Variants in SLC7A10 observed in about 807,000 individuals in gnomAD.
SLC7A10 encodes asc-type amino acid transporter 1.
Under a neutral mutation model 52.7 loss-of-function variants are expected in SLC7A10, and 30 were observed. That is an observed-to-expected ratio of 0.57 (90% confidence interval 0.43 to 0.77). The LOEUF (loss-of-function observed/expected upper bound fraction) is 0.77, where lower values mean the gene tolerates loss of function less well. SLC7A10 is among the 30% of genes least tolerant of loss of function. SLC7A10 has a pLI of 0.00. For missense variants in SLC7A10, 581 were observed against 698.5 expected (o/e 0.83, Z 1.90); for synonymous variants, 318 against 314.9 (o/e 1.01, Z -0.10).
rs1484011542 is a variant in SLC7A10 at position 33,212,962 on chromosome 19, T to G, written c.397A>C (p.Thr133Pro). 1 of 1,613,720 alleles carries G rather than the reference T, an allele frequency of 6.2e-7. No individual in the cohort carries two copies. The highest frequency in any genetic ancestry group is 1.1e-5 in the South Asian group (1 of 91,052). The change falls in exon 3 of 11, where the codon ACC becomes CCC. Residue 133 changes from threonine (T) to proline (P), a missense_variant. Physicochemically the swap from Thr to Pro is conservative, Grantham distance 38. Coordinates refer to ENST00000253188, the MANE Select transcript of SLC7A10 (RefSeq NM_019849.3). The part of the protein sequence containing the change: ...LWSAVLIMYP[T>P]SLAVISMTFS... Reference sequence around the variant, plus strand: ...GTCATGGAGATGACAGCAAGGCTGGTGGGGTACATGATGAGGACGGCGCTC... The same window carrying G: ...GTCATGGAGATGACAGCAAGGCTGGGGGGGTACATGATGAGGACGGCGCTC...
At chr19:33,218,954 G>A (rs1267150855) in intron 1 of SLC7A10, among the ~76,000 whole-genome samples, 5 of 151,864 alleles carry the variant, frequency 3.3e-5, no homozygotes, top group African/African-American at 1.2e-4. Context: ...AAGAAGCCCA[G>A]CCGTTGGGGG....
intron 2 of SLC7A10, among the ~76,000 whole-genome samples, chr19:33,215,041 G>GGATCACCT (rs1974638537): frequency 6.6e-6 from 1 of 152,098 alleles, no homozygotes; most frequent in Non-Finnish European, 1.5e-5. Context: ...TGAGGCGGGT[G>GGATCACCT]GATCACCTGA....
At position 33,215,978 on chromosome 19, in the gene SLC7A10, A is replaced by G. The variant is rs374205994; in HGVS notation, c.152-5T>C. Reference sequence around the variant, plus strand: ...TGCCCGAGCCGATGATGTTCCCTGCAGGGGGAGAGATGGGGAGGCATCAGG... The same window carrying G: ...TGCCCGAGCCGATGATGTTCCCTGCGGGGGGAGAGATGGGGAGGCATCAGG... On this transcript the variant is annotated splice_region_variant and splice_polypyrimidine_tract_variant and intron_variant, in intron 1 of 10. Coordinates refer to ENST00000253188, the MANE Select transcript of SLC7A10 (RefSeq NM_019849.3). 5 of 1,577,450 alleles carry G rather than the reference A, an allele frequency of 3.2e-6. No individual in the cohort carries two copies. The African/African-American group carries it at 4.0e-5, about 13-fold the overall frequency.
chr19:33,210,340 C>A lies in SLC7A10; in HGVS notation c.1263+127G>T. The A allele has an allele frequency of 8.4e-7, 1 of 1,195,490 alleles. No homozygotes were observed. The highest frequency in any genetic ancestry group is 1.2e-6 in the Non-Finnish European group (1 of 852,184). The allele number at this position is 1,195,490 out of a possible 1,614,324, so 74.1% of individuals were successfully genotyped here. A position where few individuals can be genotyped will look rare whatever the true frequency, so the allele number is the denominator to read the frequency against. On this transcript the variant is annotated intron_variant, in intron 9 of 10. Transcript: ENST00000253188. The surrounding 1 kb of genome is among the most constrained non-coding windows in gnomAD (Gnocchi z 5.6). Reference sequence around the variant, plus strand: ...AATGGCTGCCTCAGTGCACAGAGAGCCCTGAGCAGGGCCCAACACTCCACA... The same window carrying A: ...AATGGCTGCCTCAGTGCACAGAGAGACCTGAGCAGGGCCCAACACTCCACA...
At chr19:33,209,591 G>C in intron 9 of SLC7A10, 106 bp from the exon 10 acceptor site, 1 of 1,218,264 alleles carries the variant, frequency 8.2e-7, no homozygotes, top group Non-Finnish European at 1.1e-6. Flanking sequence ...GGGAGCTGAG[G>C]CCTGAAGGGC....
intron 1 of SLC7A10, among the ~76,000 whole-genome samples, chr19:33,223,109 A>G (rs546450986): frequency 1.3e-5 from 2 of 152,084 alleles, no homozygotes; most frequent in Admixed American, 1.3e-4. Context: ...GGAGTTCGAG[A>G]CCAGCCTGGC....
chr19:33,225,165 C>G (rs1393808653), intron 1 of SLC7A10, among the ~76,000 whole-genome samples: 1 of 152,266 alleles, frequency 6.6e-6, no homozygotes, highest in East Asian at 1.9e-4. Context: ...GGGAGCTCAG[C>G]CTGCCGCAGC....
At chr19:33,217,795 G>C (rs1395152988) in intron 1 of SLC7A10, 1 of 152,302 alleles carries the variant, frequency 6.6e-6, no homozygotes, top group Non-Finnish European at 1.5e-5. Flanking sequence ...TTCCAGTCTG[G>C]ACAGCTACGA....
In SLC7A10 at chr19:33,208,950, T is replaced by C. The variant is rs772843957; in HGVS notation, c.1513A>G (p.Asn505Asp). Reference sequence around the variant, plus strand: ...AGCAGGGAGGGTGGGCAGGGGCCATTCTCCTCCTCTTCGGGGGCGTCCTGG... The same window carrying C: ...AGCAGGGAGGGTGGGCAGGGGCCATCCTCCTCCTCTTCGGGGGCGTCCTGG... ...YPQDAPEEEENGPCPPSLLPA... is the reference protein window; with the variant it reads ...YPQDAPEEEEDGPCPPSLLPA... Residue 505 changes from asparagine (N) to aspartate (D), a missense_variant, in exon 11 of 11, where the codon AAT (asparagine) becomes GAT (aspartate). Asn to Asp is a conservative substitution (Grantham distance 23). Transcript: ENST00000253188. This position sits in a 1 kb window ranked among gnomAD's most constrained non-coding sequence, Gnocchi z 4.7. 6.2e-7 allele frequency: 1 copy of C among 1,613,646 alleles called. No homozygotes were observed. Among genetic ancestry groups the C allele is most frequent in the South Asian group, 1.1e-5 (1 of 91,056 alleles).
chr19:33,219,130 C>T (rs1234523683), intron 1 of SLC7A10, among the ~76,000 whole-genome samples: 1 of 152,058 alleles, frequency 6.6e-6, no homozygotes, highest in African/African-American at 2.4e-5. Flanking sequence ...GATGACAGCT[C>T]AGTGGTCCCT....
chr19:33,221,826 A>C (rs1362042641), intron 1 of SLC7A10, among the ~76,000 whole-genome samples: 4 of 152,210 alleles, frequency 2.6e-5, no homozygotes, highest in African/African-American at 9.6e-5. Context: ...CCTGGTCAGC[A>C]GACCCAGGGG....
In SLC7A10 at chr19:33,210,989, T is replaced by A. The variant is rs1396326689; in HGVS notation, c.1017-91A>T. 1 of 1,283,754 alleles carries A rather than the reference T, an allele frequency of 7.8e-7. No homozygotes were observed. The allele number at this position is 1,283,754 out of a possible 1,614,324, so 79.5% of individuals were successfully genotyped here. ...TCTTAAGCTGTCGCCTCTGACCTCC[T>A]GCTCCGGGCCCAGCAGCCCCACTGG... is the stretch of plus-strand genomic sequence containing the variant. On this transcript the variant is annotated intron_variant, in intron 7 of 10. Transcript: ENST00000253188. The surrounding 1 kb of genome is among the most constrained non-coding windows in gnomAD (Gnocchi z 5.6).
Position 33,215,741 on chromosome 19 carries a change from C to T in SLC7A10, c.356+28G>A, listed in dbSNP as rs1370102768. On this transcript the variant is annotated intron_variant, in intron 2 of 10. Transcript: ENST00000253188. ...GCCATCCCATTCCCAAGAGGGTGTC[C>T]CCCTGCCCGCTGGTGCCCCACACTC... The T allele has an allele frequency of 6.5e-6, 10 of 1,546,978 alleles. No homozygotes were observed. In the East Asian group the frequency reaches 2.2e-4, roughly 34 times the overall value.
At chr19:33,216,964 T>C (rs1402474739) in intron 1 of SLC7A10, among the ~76,000 whole-genome samples, 2 of 151,966 alleles carry the variant, frequency 1.3e-5, no homozygotes, top group East Asian at 3.9e-4. Flanking sequence ...AGCCTGGGAC[T>C]CCTGGGCTCA....
chr19:33,208,743 A>G lies in SLC7A10; in HGVS notation c.*148T>C. 1.0e-6 allele frequency: 1 copy of G among 999,014 alleles called. No individual in the cohort carries two copies. The highest frequency in any genetic ancestry group is 2.1e-4 in the Middle Eastern group (1 of 4,746). The allele number at this position is 999,014 out of a possible 1,614,324, so 61.9% of individuals were successfully genotyped here. A position where few individuals can be genotyped will look rare whatever the true frequency, so the allele number is the denominator to read the frequency against. On this transcript the variant is annotated 3_prime_UTR_variant, in exon 11 of 11. Transcript: ENST00000253188. The surrounding 1 kb of genome is among the most constrained non-coding windows in gnomAD (Gnocchi z 4.7). ...TGCTAAGACAGGAAACCCAGTCCAC[A>G]TTTTAGGGCTTCCTTAAACAGGCTT...
intron 1 of SLC7A10, among the ~76,000 whole-genome samples, chr19:33,223,309 G>GAAAAAAAAAAA (rs59600246): frequency 1.7e-5 from 2 of 117,334 alleles, no homozygotes; most frequent in Admixed American, 8.9e-5. Context: ...CTCTGTCTCA[G>GAAAAAAAAAAA]AAAAAAAAAA....
Position 33,208,774 on chromosome 19 carries a change from AGTC to A in SLC7A10, c.*114_*116del. On this transcript the variant is annotated 3_prime_UTR_variant, in exon 11 of 11. Coordinates refer to ENST00000253188, the MANE Select transcript of SLC7A10 (RefSeq NM_019849.3). The surrounding 1 kb of genome is among the most constrained non-coding windows in gnomAD (Gnocchi z 4.7). ...GGGCTTCCTTAAACAGGCTTCTGAG[AGTC>A]GTATCTTTTTTCTTTTTTTTCCAGA... 7.2e-7 allele frequency: 1 copy of A among 1,383,266 alleles called. No homozygotes were observed. The highest frequency in any genetic ancestry group is 1.2e-5 in the South Asian group (1 of 80,714). The allele number at this position is 1,383,266 out of a possible 1,614,324, so 85.7% of individuals were successfully genotyped here.
In SLC7A10 at chr19:33,218,156, C is replaced by T. The variant is rs147085459; in HGVS notation, c.152-2183G>A. ...GGAGCATCCCAGGCCCTGAGCCACCCACCCTGCAGAGAGCCCACCATGCTT... is the reference window on the plus strand; with the variant it reads ...GGAGCATCCCAGGCCCTGAGCCACCTACCCTGCAGAGAGCCCACCATGCTT... On this transcript the variant is annotated intron_variant, in intron 1 of 10. Coordinates refer to ENST00000253188, the MANE Select transcript of SLC7A10 (RefSeq NM_019849.3). 7.7e-4 allele frequency among the ~76,000 whole-genome samples: 117 copies of T among 152,282 alleles called. 1 individual carries two copies. Among genetic ancestry groups the T allele is most frequent in the Middle Eastern group, 6.8e-3 (2 of 294 alleles).
chr19:33,212,197 C>T lies in SLC7A10; in HGVS notation c.788+95G>A, dbSNP rs11669156. The T allele has an allele frequency of 0.55, 836,812 of 1,532,138 alleles. 237,808 individuals carry two copies. The highest frequency in any genetic ancestry group is 0.59 in the Non-Finnish European group (667,617 of 1,131,428). The allele number at this position is 1,532,138 out of a possible 1,614,324, so 94.9% of individuals were successfully genotyped here. On this transcript the variant is annotated intron_variant, in intron 5 of 10. Transcript: ENST00000253188. ...AGGCGTGGGCCACCGAGGACCAGCC[C>T]GAGCCTTGGGTGGCAGTGGGGCTGG... is the stretch of plus-strand genomic sequence containing the variant.
Sources: allele counts gnomAD v4.1 joint callset (sites outside exome capture counted in the v4.1 genomes callset), GRCh38; gene constraint gnomAD v4.1.1; non-coding constraint Gnocchi (gnomAD v3.1); transcripts MANE v1.5; gene names NCBI Gene and HGNC (gene_info 2026-07-23, HGNC 2026-07-21).